Variants in RPAP1 observed in about 807,000 individuals in gnomAD.
RPAP1 encodes RNA polymerase II associated protein 1.
Under a neutral mutation model 142.4 loss-of-function variants are expected in RPAP1, and 109 were observed. That is an observed-to-expected ratio of 0.77 (90% CI 0.66 to 0.90). The LOEUF is 0.90. Ranked by LOEUF, RPAP1 falls within the 40% of genes least tolerant of loss-of-function variation. The pLI is 0.00. For synonymous variants in RPAP1, 704 were observed against 738.9 expected (o/e 0.95, Z 0.77); for missense variants, 1,546 against 1,751.7 (o/e 0.88, Z 2.10).
In RPAP1 at chr15:41,527,232, C is replaced by T. The variant is rs757570397; in HGVS notation, c.1681G>A (p.Val561Met). Residue 561 changes from valine (V) to methionine (M), a missense_variant, in exon 13 of 25, where the codon GTG becomes ATG. By Grantham distance (21) the Val-to-Met change is conservative. Coordinates refer to ENST00000304330, the MANE Select transcript of RPAP1 (RefSeq NM_015540.4). ...AGCACAGCCAGGATGTCAAGGACCACCGCAGGTCCTGGGTATGTCACCTCC... is the reference window on the plus strand; with the variant it reads ...AGCACAGCCAGGATGTCAAGGACCATCGCAGGTCCTGGGTATGTCACCTCC... ...VLEVTYPGPA[V>M]VLDILAVLIR... is the part of the protein sequence containing the mutation. The T allele has an allele frequency of 1.9e-6, 3 of 1,614,210 alleles. No homozygotes were observed. Among genetic ancestry groups the T allele is most frequent in the Admixed American group, 1.7e-5 (1 of 60,026 alleles).
At position 41,521,123 on chromosome 15, in the gene RPAP1, C is replaced by T. The variant is rs764023183; in HGVS notation, c.3063G>A (p.Glu1021=). 10 of 1,514,108 alleles carry T rather than the reference C, an allele frequency of 6.6e-6. No individual in the cohort carries two copies. Among genetic ancestry groups the T allele is most frequent in the Non-Finnish European group, 7.1e-6 (8 of 1,132,254 alleles). 93.8% of individuals were successfully genotyped at this position (1,514,108 alleles called of 1,614,324 possible). A position where few individuals can be genotyped will look rare whatever the true frequency, so the allele number is the denominator to read the frequency against. The change falls in exon 22 of 25, where the codon GAG becomes GAA. Residue 1021 remains glutamate (E), a synonymous_variant. Transcript: ENST00000304330. ...ACAGCTGGTCAGAGAAGTCGGCTGC[C>T]TCTGGACCCCCTGATGTTCTTTCCC... ...FLPERTSGGP[E]AADFSDQLSL...
intron 11 of RPAP1, 118 bp downstream of exon 11, chr15:41,527,742 G>A (rs545934922): frequency 2.8e-5 from 41 of 1,465,408 alleles, no homozygotes; most frequent in Non-Finnish European, 3.6e-5. Context: ...TGAGGGAGAC[G>A]CCTGCCATCC....
intron 10 of RPAP1, 78 bp from the exon 11 acceptor site, chr15:41,528,105 C>G (rs370495584): frequency 1.0e-5 from 16 of 1,552,964 alleles, no homozygotes; most frequent in Admixed American, 3.7e-5. Flanking sequence ...CGTTTGCCCC[C>G]CTATGATCCT....
intron 6 of RPAP1, among the ~76,000 whole-genome samples, chr15:41,534,183 C>T (rs1361797778): frequency 2.0e-5 from 3 of 151,372 alleles, no homozygotes; most frequent in Admixed American, 6.6e-5. Context: ...TTTGGGAGGC[C>T]GAGGAGGGCA....
At chr15:41,535,940 A>G (rs1158417578) in intron 4 of RPAP1, among the ~76,000 whole-genome samples, 189 bp downstream of exon 4, 1 of 152,192 alleles carries the variant, frequency 6.6e-6, no homozygotes, top group African/African-American at 2.4e-5. Flanking sequence ...TCCCCAAGGT[A>G]TCATCATGAT....
Position 41,521,803 on chromosome 15 carries a change from C to A in RPAP1, c.2973G>T (p.Leu991=), listed in dbSNP as rs1370520031. The change falls in exon 21 of 25, where the codon CTG becomes CTT. Residue 991 remains leucine (L), a synonymous_variant. Coordinates refer to ENST00000304330, the MANE Select transcript of RPAP1 (RefSeq NM_015540.4). ...GMALALLSRL[L]PGSEYLTHEL... is the part of the protein sequence containing the mutation. Reference sequence around the variant, plus strand: ...CATGGGTGAGGTACTCACTTCCGGGCAGCAGCCGGCTCAGCAGGGCCAAGG... The same window carrying A: ...CATGGGTGAGGTACTCACTTCCGGGAAGCAGCCGGCTCAGCAGGGCCAAGG... 2.3e-5 allele frequency: 37 copies of A among 1,614,174 alleles called. No homozygotes were observed. In the East Asian group the frequency reaches 8.2e-4, roughly 36 times the overall value.
chr15:41,525,535 CATT>C (rs1321316779), intron 14 of RPAP1, among the ~76,000 whole-genome samples: 2 of 151,970 alleles, frequency 1.3e-5, no homozygotes, highest in Non-Finnish European at 2.9e-5. Context: ...GACGGGGTTT[CATT>C]ATGTTGGCCA....
chr15:41,524,131 G>T lies in RPAP1; in HGVS notation c.2199C>A (p.Thr733=). 6.3e-7 allele frequency: 1 copy of T among 1,595,044 alleles called. No individual in the cohort carries two copies. The highest frequency in any genetic ancestry group is 8.6e-7 in the Non-Finnish European group (1 of 1,168,792). The change falls in exon 16 of 25, where the codon ACC becomes ACA. Residue 733 remains threonine (T), a synonymous_variant. Coordinates refer to ENST00000304330, the MANE Select transcript of RPAP1 (RefSeq NM_015540.4). ...ASLLTLLTQL[T]LAAGSTPAET... ...CAGCAGGGGTACTGCCGGCTGCCAGGGTTAGCTGGGTGAGGAGAGTGAGCA... is the reference window on the plus strand; with the variant it reads ...CAGCAGGGGTACTGCCGGCTGCCAGTGTTAGCTGGGTGAGGAGAGTGAGCA...
At position 41,523,949 on chromosome 15, in the gene RPAP1, G is replaced by A. The variant is rs1205228272; in HGVS notation, c.2258C>T (p.Ser753Leu). 1.1e-5 allele frequency: 18 copies of A among 1,611,826 alleles called. No individual in the cohort carries two copies. The highest frequency in any genetic ancestry group is 3.3e-5 in the Admixed American group (2 of 59,776). Reference protein sequence around the residue: ...TISDSAEASLSATPSLVTWTQ... With the variant: ...TISDSAEASLLATPSLVTWTQ... Reference sequence around the variant, plus strand: ...CCAAGTGACTAAGGAAGGGGTGGCCGAGAGGCTGGCCTCAGCAGAATCACT... The same window carrying A: ...CCAAGTGACTAAGGAAGGGGTGGCCAAGAGGCTGGCCTCAGCAGAATCACT... The change falls in exon 17 of 25, where the codon TCG becomes TTG. Residue 753 changes from serine (S) to leucine (L), a missense_variant. This residue lies in a region of RPAP1 where 1,333 missense variants were observed against 1,486.6 expected (regional missense o/e 0.90). Transcript: ENST00000304330.
chr15:41,534,532 G>T (rs1425378054), intron 6 of RPAP1, among the ~76,000 whole-genome samples, 182 bp downstream of exon 6: 1 of 141,756 alleles, frequency 7.1e-6, no homozygotes, highest in Non-Finnish European at 1.5e-5. Flanking sequence ...GTTGCAGTGA[G>T]CCGAGATCGT....
intron 3 of RPAP1, 104 bp from the exon 4 acceptor site, chr15:41,536,322 G>C: frequency 7.6e-7 from 1 of 1,321,402 alleles, no homozygotes. Context: ...CTCACTCTGG[G>C]GGGTTACGGA....
chr15:41,533,867 G>GC (rs2051880239), intron 6 of RPAP1, among the ~76,000 whole-genome samples: 1 of 150,134 alleles, frequency 6.7e-6, no homozygotes, highest in African/African-American at 2.5e-5. Context: ...AGGCGCAGTG[G>GC]CTCCAGCACT....
At position 41,529,520 on chromosome 15, in the gene RPAP1, C is replaced by T. The variant is rs190804095; in HGVS notation, c.1108G>A (p.Val370Met). Residue 370 changes from valine (V) to methionine (M), a missense_variant, in exon 9 of 25, where the codon GTG becomes ATG. This residue lies in a region of RPAP1 where 1,333 missense variants were observed against 1,486.6 expected (regional missense o/e 0.90). Coordinates refer to ENST00000304330, the MANE Select transcript of RPAP1 (RefSeq NM_015540.4). ...AGACCCAGGTGGGTGGGCAGGTCCA[C>T]GTCAGGGGCCAGTAGTTCTCCCTGA... is the stretch of plus-strand genomic sequence containing the variant. Reference protein sequence around the residue: ...SLQGELLAPDVDLPTHLGLHH... With the variant: ...SLQGELLAPDMDLPTHLGLHH... The T allele has an allele frequency of 4.6e-5, 74 of 1,613,654 alleles. No individual in the cohort carries two copies. The African/African-American group carries it at 7.1e-4, about 15-fold the overall frequency.
At chr15:41,533,896 T>C (rs545014285) in intron 6 of RPAP1, among the ~76,000 whole-genome samples, 1 of 148,456 alleles carries the variant, frequency 6.7e-6, no homozygotes, top group Non-Finnish European at 1.5e-5. Flanking sequence ...CCAAGGCCAG[T>C]GGATCACCTG....
At position 41,531,050 on chromosome 15, in the gene RPAP1, T is replaced by G. The variant is rs1373564980; in HGVS notation, c.916A>C (p.Arg306=). ...GGGGCTTCTGGCTCCAGCTTGTCTCTCTTCCTGGGCTCACTGGCAAAAGCT... is the reference window on the plus strand; with the variant it reads ...GGGGCTTCTGGCTCCAGCTTGTCTCGCTTCCTGGGCTCACTGGCAAAAGCT... ...MSAFASEPRK[R]DKLEPEAPAL... Residue 306 remains arginine, a synonymous_variant, in exon 7 of 25, where the codon AGA becomes CGA. Coordinates refer to ENST00000304330, the MANE Select transcript of RPAP1 (RefSeq NM_015540.4). The G allele has an allele frequency of 6.2e-7, 1 of 1,613,048 alleles. No homozygotes were observed.
intron 5 of RPAP1, among the ~76,000 whole-genome samples, 177 bp from the exon 6 acceptor site, chr15:41,535,112 C>T (rs565230416): frequency 1.3e-5 from 2 of 152,218 alleles, no homozygotes; most frequent in Non-Finnish European, 2.9e-5. Flanking sequence ...CCACTCACTG[C>T]TTCCCTAGTA....
Position 41,529,486 on chromosome 15 carries a change from T to C in RPAP1, c.1142A>G (p.His381Arg). 1 of 1,612,476 alleles carries C rather than the reference T, an allele frequency of 6.2e-7. No homozygotes were observed. The highest frequency in any genetic ancestry group is 8.5e-7 in the Non-Finnish European group (1 of 1,178,970). ...ATGCCTCACCTCTGCCTCCTCTCCATGGTGGTGCAGACCCAGGTGGGTGGG... is the reference window on the plus strand; with the variant it reads ...ATGCCTCACCTCTGCCTCCTCTCCACGGTGGTGCAGACCCAGGTGGGTGGG... ...DLPTHLGLHHHGEEAERAGYS... is the reference protein window; with the variant it reads ...DLPTHLGLHHRGEEAERAGYS... The change falls in exon 9 of 25, where the codon CAT becomes CGT. Residue 381 changes from histidine (H) to arginine (R), a missense_variant. Transcript: ENST00000304330.
intron 14 of RPAP1, among the ~76,000 whole-genome samples, chr15:41,525,734 A>C (rs1360289750): frequency 6.6e-6 from 1 of 152,112 alleles, no homozygotes; most frequent in Non-Finnish European, 1.5e-5. Context: ...GGCTCACTGC[A>C]ATCTCTGCCC....
In RPAP1 at chr15:41,529,881, G is replaced by T. The variant is rs367690635; in HGVS notation, c.1042C>A (p.Arg348=). The T allele has an allele frequency of 1.9e-6, 3 of 1,609,506 alleles. No individual in the cohort carries two copies. Among genetic ancestry groups the T allele is most frequent in the Non-Finnish European group, 1.7e-6 (2 of 1,177,722 alleles). ...HWTQDLPPVR[R]QQTQERMQAR... ...CTCCTCACCTCCTGTGTCTGCTGCC[G>T]CCGGACAGGGGGCAAGTCCTGGGTC... Residue 348 remains arginine, a synonymous_variant, in exon 8 of 25, where the codon CGG becomes AGG. Coordinates refer to ENST00000304330, the MANE Select transcript of RPAP1 (RefSeq NM_015540.4).
Sources: allele counts gnomAD v4.1 joint callset (sites outside exome capture counted in the v4.1 genomes callset), GRCh38; gene constraint gnomAD v4.1.1; regional missense constraint gnomAD v4.1.1; transcripts MANE v1.5; gene names NCBI Gene and HGNC (gene_info 2026-07-23, HGNC 2026-07-21).